WDR49: variants seen among roughly 807,000 people sequenced by gnomAD.
WDR49 encodes the protein WD repeat domain 49.
A neutral mutation model predicts 119.5 loss-of-function variants in WDR49; 107 were observed. The observed-to-expected ratio is 0.90, with a 90% CI of 0.77 to 1.05. The LOEUF is 1.05. Ranked by LOEUF, WDR49 falls within the 50% of genes least tolerant of loss-of-function variation. WDR49 has a pLI of 0.00. For missense variants in WDR49, 1,240 were observed against 1,220.5 expected, an observed-to-expected ratio of 1.02 and a Z score of -0.24; for synonymous variants, 425 against 418.8, an observed-to-expected ratio of 1.01 and a Z score of -0.18.
chr3:167,543,537 TATC>T (rs1455732739), intron 10 of WDR49, among the ~76,000 whole-genome samples: 2 of 151,812 alleles, frequency 1.3e-5, no homozygotes, highest in Non-Finnish European at 2.9e-5. Context: ...TAAAAATAAA[TATC>T]ATATGATTAT....
chr3:167,638,432 T>C (rs566793677), intron 2 of WDR49, among the ~76,000 whole-genome samples: 69 of 151,720 alleles, frequency 4.5e-4, no homozygotes, highest in African/African-American at 1.6e-3. Flanking sequence ...TTTTCCCCTA[T>C]AACTATAATT....
chr3:167,499,603 G>A (rs1210073620), intron 18 of WDR49, among the ~76,000 whole-genome samples: 1 of 152,102 alleles, frequency 6.6e-6, no homozygotes, highest in Non-Finnish European at 1.5e-5. Flanking sequence ...ATAATAGTCT[G>A]AAAAATAAAG....
chr3:167,533,679 A>G (rs966875696), intron 11 of WDR49, among the ~76,000 whole-genome samples: 1 of 152,090 alleles, frequency 6.6e-6, no homozygotes, highest in African/African-American at 2.4e-5. Flanking sequence ...TGCTCTTCAC[A>G]GAGAACAGAG....
At chr3:167,517,710 TTTC>T (rs1752273906) in intron 16 of WDR49, among the ~76,000 whole-genome samples, 1 of 144,198 alleles carries the variant, frequency 6.9e-6, no homozygotes, top group African/African-American at 2.6e-5. Context: ...TTACTTTTTT[TTTC>T]TTTTCTTTTC....
intron 7 of WDR49, 56 bp downstream of exon 7, chr3:167,602,071 T>G (rs2108305789): frequency 6.6e-7 from 1 of 1,511,650 alleles, no homozygotes; most frequent in Non-Finnish European, 9.0e-7. Context: ...CAGAGTTGAT[T>G]TGGGTAGGAA....
At chr3:167,631,867 A>G (rs377334601) in intron 2 of WDR49, among the ~76,000 whole-genome samples, 2 of 152,250 alleles carry the variant, frequency 1.3e-5, no homozygotes, top group African/African-American at 4.8e-5. Context: ...GGTTAGTTTA[A>G]TGGAGGTTAG....
At chr3:167,633,100 TGTG>T (rs1472572816) in intron 2 of WDR49, among the ~76,000 whole-genome samples, 10 of 151,760 alleles carry the variant, frequency 6.6e-5, no homozygotes, top group Non-Finnish European at 1.2e-4. Flanking sequence ...TGTGTGTGTG[TGTG>T]TGTGTGTGTG....
intron 2 of WDR49, among the ~76,000 whole-genome samples, chr3:167,631,111 TG>T (rs1717350198): frequency 1.3e-5 from 2 of 150,978 alleles, no homozygotes; most frequent in Non-Finnish European, 3.0e-5. Context: ...CACCGGGGCC[TG>T]TCAGGGGGTG....
chr3:167,626,736 G>A (rs1717142770), intron 3 of WDR49, 116 bp downstream of exon 3: 2 of 811,060 alleles, frequency 2.5e-6, no homozygotes, highest in East Asian at 6.7e-5. Flanking sequence ...TCTCCCTCCA[G>A]GTCAGGAGAA....
At chr3:167,519,536 A>G (rs1752348397) in intron 16 of WDR49, among the ~76,000 whole-genome samples, 1 of 152,184 alleles carries the variant, frequency 6.6e-6, no homozygotes, top group African/African-American at 2.4e-5. Context: ...ACTCAGGAAC[A>G]GAAAACAAAA....
At chr3:167,586,649 G>C (rs1714830660) in intron 7 of WDR49, among the ~76,000 whole-genome samples, 1 of 152,152 alleles carries the variant, frequency 6.6e-6, no homozygotes, top group African/African-American at 2.4e-5. Flanking sequence ...CAGCAATAAA[G>C]CAGAGGCTTA....
Position 167,620,437 on chromosome 3 carries a change from A to G in WDR49, c.950T>C (p.Val317Ala). ...CTGTTCAAATTCAATACCTTGCCTG[A>G]CCCAATCTCCTTGATGAAGTTTATG... The part of the protein sequence containing the change: ...LEHKLHQGDW[V>A]RQVTYNASLD... Residue 317 changes from valine to alanine, a missense_variant, in exon 5 of 19, where the codon GTC becomes GCC. By Grantham distance (64) the Val-to-Ala change is moderately conservative. Transcript: ENST00000682715. The G allele has an allele frequency of 6.5e-7, 1 of 1,535,390 alleles. No individual in the cohort carries two copies. The highest frequency in any genetic ancestry group is 8.7e-7 in the Non-Finnish European group (1 of 1,146,298).
chr3:167,506,193 G>A (rs373245760), intron 16 of WDR49, among the ~76,000 whole-genome samples: 1 of 152,070 alleles, frequency 6.6e-6, no homozygotes, highest in East Asian at 1.9e-4. Context: ...GCCCTTTATA[G>A]TTAACCATTC....
chr3:167,556,121 C>T (rs1712912329), intron 9 of WDR49, among the ~76,000 whole-genome samples: 1 of 152,178 alleles, frequency 6.6e-6, no homozygotes, highest in South Asian at 2.1e-4. Context: ...TATGACTCTA[C>T]TTGTAACTCT....
intron 5 of WDR49, among the ~76,000 whole-genome samples, chr3:167,611,653 G>A (rs568138944): frequency 6.6e-6 from 1 of 152,038 alleles, no homozygotes; most frequent in South Asian, 2.1e-4. Context: ...GATATCCCAC[G>A]CCAATGAAAA....
intron 8 of WDR49, among the ~76,000 whole-genome samples, chr3:167,568,981 C>T (rs1001097786): frequency 2.0e-5 from 3 of 150,180 alleles, no homozygotes; most frequent in Non-Finnish European, 3.0e-5. Flanking sequence ...CTTGCTCTGT[C>T]GCCCAGGTTG....
chr3:167,613,174 C>T (rs896841464), intron 5 of WDR49, among the ~76,000 whole-genome samples: 14 of 151,990 alleles, frequency 9.2e-5, no homozygotes, highest in African/African-American at 3.1e-4. Context: ...AATATATACA[C>T]CTACTCTGTA....
At position 167,572,030 on chromosome 3, in the gene WDR49, T is replaced by C. The variant is rs145748393; in HGVS notation, c.1509+3888A>G. Among the ~76,000 whole-genome samples, 38 of 152,356 alleles carry C rather than the reference T, an allele frequency of 2.5e-4. No individual in the cohort carries two copies. The East Asian group carries it at 7.3e-3, about 29-fold the overall frequency. ...TCTAGTTTCTATGTCTAGAAATACATGTTTTAAAGTTTCCTAAATTCATGA... is the reference window on the plus strand; with the variant it reads ...TCTAGTTTCTATGTCTAGAAATACACGTTTTAAAGTTTCCTAAATTCATGA... On this transcript the variant is annotated intron_variant, in intron 8 of 18. Transcript: ENST00000682715.
intron 16 of WDR49, among the ~76,000 whole-genome samples, chr3:167,509,131 A>G (rs1751874088): frequency 6.6e-6 from 1 of 152,212 alleles, no homozygotes; most frequent in Non-Finnish European, 1.5e-5. Context: ...ACTTGTTTCT[A>G]ATAATGAATC....
Sources: allele counts gnomAD v4.1 joint callset (sites outside exome capture counted in the v4.1 genomes callset), GRCh38; gene constraint gnomAD v4.1.1; transcripts MANE v1.5; gene names NCBI Gene and HGNC (gene_info 2026-07-23, HGNC 2026-07-21).